Variants in RAPGEFL1 observed in about 807,000 individuals in gnomAD.
The protein encoded by RAPGEFL1 is Rap guanine nucleotide exchange factor like 1, also known as rap guanine nucleotide exchange factor-like 1.
Under a neutral mutation model 64.4 loss-of-function variants are expected in RAPGEFL1, and 31 were observed. The observed-to-expected ratio is 0.48, with a 90% confidence interval of 0.36 to 0.65. The LOEUF (loss-of-function observed/expected upper bound fraction) is 0.65. Among genes scored for constraint, RAPGEFL1 ranks in the 30% least tolerant of loss-of-function variants. The pLI, the probability that RAPGEFL1 is intolerant of heterozygous loss-of-function variation, is 0.00. For missense variants in RAPGEFL1, 682 were observed against 677.4 expected (o/e 1.01, Z -0.08); for synonymous variants, 331 against 274.1 (o/e 1.21, Z -2.05).
At chr17:40,192,296 G>A (rs1156660237) in intron 11 of RAPGEFL1, 33 bp downstream of exon 11, 1 of 1,604,732 alleles carries the variant, frequency 6.2e-7, no homozygotes, top group Non-Finnish European at 8.5e-7. Context: ...TCTGCTCTTG[G>A]ACTGAGAGCC....
At chr17:40,192,566 G>A (rs1050848703) in intron 11 of RAPGEFL1, 40 bp from the exon 12 acceptor site, 2 of 1,529,698 alleles carry the variant, frequency 1.3e-6, no homozygotes, top group African/African-American at 1.4e-5. Flanking sequence ...GGGATGCATT[G>A]GCCAGTCTGT....
In RAPGEFL1 at chr17:40,193,358, C is replaced by T; in HGVS notation, c.1810-5C>T. 1.2e-6 allele frequency: 2 copies of T among 1,614,194 alleles called. No individual in the cohort carries two copies. The highest frequency in any genetic ancestry group is 1.7e-6 in the Non-Finnish European group (2 of 1,180,036). On this transcript the variant is annotated splice_region_variant and splice_polypyrimidine_tract_variant and intron_variant, in intron 13 of 14. Coordinates refer to ENST00000620260, the MANE Select transcript of RAPGEFL1 (RefSeq NM_016339.6). Reference sequence around the variant, plus strand: ...TTTCAAGGCTCATTCCTTGTCATCTCCCAGCATTCAGTGGCCGAAAAAGTG... The same window carrying T: ...TTTCAAGGCTCATTCCTTGTCATCTTCCAGCATTCAGTGGCCGAAAAAGTG...
At chr17:40,184,472 T>C in intron 3 of RAPGEFL1, 109 bp from the exon 4 acceptor site, 1 of 1,147,528 alleles carries the variant, frequency 8.7e-7, no homozygotes, top group Non-Finnish European at 1.3e-6. Context: ...GGCCTTAGCT[T>C]ATATGGCTCT....
intron 4 of RAPGEFL1, among the ~76,000 whole-genome samples, chr17:40,188,132 C>T (rs1432731947): frequency 1.3e-5 from 2 of 151,942 alleles, no homozygotes; most frequent in Non-Finnish European, 2.9e-5. Context: ...CCAGGCTGGT[C>T]TTGAACTCCT....
intron 4 of RAPGEFL1, among the ~76,000 whole-genome samples, chr17:40,185,283 T>G (rs1023249385): frequency 6.6e-6 from 1 of 152,152 alleles, no homozygotes; most frequent in African/African-American, 2.4e-5. Context: ...TCACCATGGC[T>G]GATTTCAAGC....
chr17:40,189,215 C>G lies in RAPGEFL1; in HGVS notation c.954C>G (p.Cys318Trp). The G allele has an allele frequency of 1.1e-5, 18 of 1,614,050 alleles. No individual in the cohort carries two copies. The highest frequency in any genetic ancestry group is 1.1e-5 in the Non-Finnish European group (13 of 1,179,904). ...TTTCCTGTTTCCGTCCAGTCTTCTG[C>G]CGTGTATACATGCCTGACCACTCTT... ...VAFRGSDEIFCRVYMPDHSYV... is the reference protein window; with the variant it reads ...VAFRGSDEIFWRVYMPDHSYV... The change falls in exon 6 of 15, where the codon TGC becomes TGG. Residue 318 changes from cysteine to tryptophan, a missense_variant. Cys to Trp is a radical substitution (Grantham distance 215, BLOSUM62 -2). Coordinates refer to ENST00000620260, the MANE Select transcript of RAPGEFL1 (RefSeq NM_016339.6).
intron 6 of RAPGEFL1, 43 bp downstream of exon 6, chr17:40,189,418 A>C: frequency 2.5e-6 from 4 of 1,603,820 alleles, no homozygotes; most frequent in Non-Finnish European, 3.4e-6. Context: ...GAGAGGAGAA[A>C]CTCACAAGCT....
rs1174540872 is a variant in RAPGEFL1 at position 40,184,570 on chromosome 17, C to T, written c.736-11C>T. On this transcript the variant is annotated splice_polypyrimidine_tract_variant and intron_variant, in intron 3 of 14. Transcript: ENST00000620260. The stretch of plus-strand genomic sequence containing the variant: ...CCCCTTCCTTCACCTTCTTTGTCCT[C>T]CTCTCTCCAGGATCTATACCTGCTA... 1 of 1,480,712 alleles carries T rather than the reference C, an allele frequency of 6.8e-7. No individual in the cohort carries two copies. 91.7% of individuals were successfully genotyped at this position (1,480,712 alleles called of 1,614,324 possible).
rs1305573839 is a variant in RAPGEFL1 at position 40,194,234 on chromosome 17, T to C, written c.*446T>C. 3 of 9,944 alleles carry C rather than the reference T, an allele frequency of 3.0e-4. No individual in the cohort carries two copies. In the South Asian group the frequency reaches 6.3e-3, roughly 21 times the overall value. The allele number at this position is 9,944 out of a possible 1,614,324, so 0.6% of individuals were successfully genotyped here. ...GACCCCCAGGAATATTATGTTGCCG[T>C]GTGTGTGTGTGTGTGTGTGTGTGTG... On this transcript the variant is annotated 3_prime_UTR_variant, in exon 15 of 15. Transcript: ENST00000620260.
Position 40,177,802 on chromosome 17 carries a change from C to CG in RAPGEFL1, c.-59dup. On this transcript the variant is annotated 5_prime_UTR_variant, in exon 1 of 15. Transcript: ENST00000620260. ...AGCATCGTGTCTTCGCCGCCCCCCC[C>CG]GCCCGCGCCTGGGATACCTGGGTCC... is the stretch of plus-strand genomic sequence containing the variant. 1 of 411,108 alleles carries CG rather than the reference C, an allele frequency of 2.4e-6. No homozygotes were observed. Among genetic ancestry groups the CG allele is most frequent in the Non-Finnish European group, 4.3e-6 (1 of 232,932 alleles). The allele number at this position is 411,108 out of a possible 1,614,324, so 25.5% of individuals were successfully genotyped here. A position where few individuals can be genotyped will look rare whatever the true frequency, so the allele number is the denominator to read the frequency against.
chr17:40,180,965 C>G (rs1989876516), intron 1 of RAPGEFL1, among the ~76,000 whole-genome samples: 1 of 152,230 alleles, frequency 6.6e-6, no homozygotes, highest in South Asian at 2.1e-4. Context: ...CTGGCTGAGC[C>G]AGGCCCAGAC....
chr17:40,192,991 G>C lies in RAPGEFL1; in HGVS notation c.1809+1G>C. 6.2e-7 allele frequency: 1 copy of C among 1,613,412 alleles called. No homozygotes were observed. The highest frequency in any genetic ancestry group is 8.5e-7 in the Non-Finnish European group (1 of 1,179,334). On this transcript the variant is annotated splice_donor_variant, in intron 13 of 14. Coordinates refer to ENST00000620260, the MANE Select transcript of RAPGEFL1 (RefSeq NM_016339.6). LOFTEE classifies it high-confidence loss of function. ...TGGTTTGGTGAACATCGAGAAGCTGGTGAGTGAGTGGCACTGCAAACCCCT... is the reference window on the plus strand; with the variant it reads ...TGGTTTGGTGAACATCGAGAAGCTGCTGAGTGAGTGGCACTGCAAACCCCT...
At chr17:40,182,045 T>C (rs1378282242) in intron 2 of RAPGEFL1, among the ~76,000 whole-genome samples, 1 of 151,586 alleles carries the variant, frequency 6.6e-6, no homozygotes, top group Non-Finnish European at 1.5e-5. Flanking sequence ...ATCGCGTCAC[T>C]ACACTCCAGC....
Position 40,192,245 on chromosome 17 carries a change from C to T in RAPGEFL1, c.1638C>T (p.Arg546=), listed in dbSNP as rs777316208. 6.2e-6 allele frequency: 10 copies of T among 1,614,080 alleles called. No homozygotes were observed. The highest frequency in any genetic ancestry group is 8.5e-6 in the Non-Finnish European group (10 of 1,179,942). The change falls in exon 11 of 15, where the codon CGC becomes CGT. Residue 546 remains arginine (R), a synonymous_variant. Transcript: ENST00000620260. ...CAGGGAAATTCAAGAACTTGTTTCGCAAATTTGAGAACCTGACGGTGAGTG... is the reference window on the plus strand; with the variant it reads ...CAGGGAAATTCAAGAACTTGTTTCGTAAATTTGAGAACCTGACGGTGAGTG... ...KLPGKFKNLF[R]KFENLTDPCR...
Position 40,184,571 on chromosome 17 carries a change from C to T in RAPGEFL1, c.736-10C>T. On this transcript the variant is annotated splice_polypyrimidine_tract_variant and intron_variant, in intron 3 of 14. Transcript: ENST00000620260. The stretch of plus-strand genomic sequence containing the variant: ...CCCTTCCTTCACCTTCTTTGTCCTC[C>T]TCTCTCCAGGATCTATACCTGCTAA... 1 of 1,485,130 alleles carries T rather than the reference C, an allele frequency of 6.7e-7. No individual in the cohort carries two copies. 92.0% of individuals were successfully genotyped at this position (1,485,130 alleles called of 1,614,324 possible). A position where few individuals can be genotyped will look rare whatever the true frequency, so the allele number is the denominator to read the frequency against.
At chr17:40,179,931 C>T (rs186590746) in intron 1 of RAPGEFL1, among the ~76,000 whole-genome samples, 1 of 152,284 alleles carries the variant, frequency 6.6e-6, no homozygotes, top group Admixed American at 6.5e-5. Flanking sequence ...CAGACACACA[C>T]AGCTCTCCTA....
Position 40,191,755 on chromosome 17 carries a change from C to T in RAPGEFL1, c.1605+83C>T, listed in dbSNP as rs1990281382. On this transcript the variant is annotated intron_variant, in intron 10 of 14. Transcript: ENST00000620260. The surrounding 1 kb of genome is among the most constrained non-coding windows in gnomAD (Gnocchi z 5.1). ...TGCGTCCTCCCGGGACGGCCGCCGG[C>T]CTGGAGGGAGTCTTTGCGCCAGTTG... is the stretch of plus-strand genomic sequence containing the variant. 4.3e-6 allele frequency: 6 copies of T among 1,386,574 alleles called. No homozygotes were observed. Among genetic ancestry groups the T allele is most frequent in the Non-Finnish European group, 2.0e-6 (2 of 997,800 alleles). 85.9% of individuals were successfully genotyped at this position (1,386,574 alleles called of 1,614,324 possible). A position where few individuals can be genotyped will look rare whatever the true frequency, so the allele number is the denominator to read the frequency against.
chr17:40,186,485 G>C (rs1276130731), intron 4 of RAPGEFL1, among the ~76,000 whole-genome samples: 1 of 143,910 alleles, frequency 6.9e-6, no homozygotes, highest in Non-Finnish European at 1.5e-5. Context: ...GGAGAATGGC[G>C]TGAACCCGGG....
chr17:40,191,205 T>C lies in RAPGEFL1; in HGVS notation c.1336-111T>C. 1 of 1,001,488 alleles carries C rather than the reference T, an allele frequency of 1.0e-6. No individual in the cohort carries two copies. Among genetic ancestry groups the C allele is most frequent in the Non-Finnish European group, 1.4e-6 (1 of 712,492 alleles). 62.0% of individuals were successfully genotyped at this position (1,001,488 alleles called of 1,614,324 possible). On this transcript the variant is annotated intron_variant, in intron 8 of 14. Transcript: ENST00000620260. The surrounding 1 kb of genome is among the most constrained non-coding windows in gnomAD (Gnocchi z 5.1). ...TTCTATTTTTCTATTTTCCACCCCT[T>C]CCGCCCCCGCCCTCCTGCCTTTCGC...
Sources: gnomAD v4.1 joint callset for allele counts (sites outside exome capture counted in the v4.1 genomes callset) on GRCh38, gnomAD v4.1.1 for gene constraint, Gnocchi (gnomAD v3.1) non-coding constraint, MANE v1.5 for transcripts, NCBI Gene and HGNC (gene_info 2026-07-23, HGNC 2026-07-21) for gene names.